Variants in ANKS1B observed in about 807,000 individuals in gnomAD.
ANKS1B encodes the protein ankyrin repeat and sterile alpha motif domain containing 1B, also known as ankyrin repeat and sterile alpha motif domain-containing protein 1B.
ANKS1B carries 36 observed loss-of-function variants against 148.3 expected under a neutral mutation model. The ratio of observed to expected loss-of-function variants is 0.24; its 90% CI spans 0.19 to 0.32. The LOEUF (loss-of-function observed/expected upper bound fraction) is 0.32. ANKS1B is among the 10% of genes least tolerant of loss of function. The pLI, the probability that ANKS1B is intolerant of heterozygous loss-of-function variation, is 1.00. For missense variants in ANKS1B, 1,157 were observed against 1,542.6 expected (o/e 0.75, Z 4.19); for synonymous variants, 542 against 560.8 (o/e 0.97, Z 0.47).
chr12:99,068,951 T>G (rs2045422891), intron 16 of ANKS1B, among the ~76,000 whole-genome samples: 1 of 152,216 alleles, frequency 6.6e-6, no homozygotes, highest in South Asian at 2.1e-4. Context: ...TTCTCTCCTC[T>G]TGTAGCATTT....
chr12:99,327,112 T>C (rs1351423708), intron 12 of ANKS1B, among the ~76,000 whole-genome samples: 1 of 126,826 alleles, frequency 7.9e-6, no homozygotes, highest in African/African-American at 3.0e-5. Flanking sequence ...TATATATTAA[T>C]ATAACTAATA....
chr12:99,341,495 A>T (rs574577999), intron 12 of ANKS1B, among the ~76,000 whole-genome samples: 1 of 152,282 alleles, frequency 6.6e-6, no homozygotes, highest in East Asian at 1.9e-4. Context: ...AAAGAACCAG[A>T]CATCTCTATC....
At chr12:99,499,611 T>C (rs1315634610) in intron 10 of ANKS1B, among the ~76,000 whole-genome samples, 1 of 152,082 alleles carries the variant, frequency 6.6e-6, no homozygotes, top group Non-Finnish European at 1.5e-5. Flanking sequence ...CTTAGAATGT[T>C]TGCTTAGAAT....
At chr12:99,564,391 A>C (rs2097367490) in intron 9 of ANKS1B, among the ~76,000 whole-genome samples, 1 of 151,998 alleles carries the variant, frequency 6.6e-6, no homozygotes, top group Admixed American at 6.6e-5. Context: ...CAGTGAAAAA[A>C]AAATTAAGTT....
chr12:99,229,471 A>T (rs1035572401), intron 14 of ANKS1B, among the ~76,000 whole-genome samples: 5 of 151,966 alleles, frequency 3.3e-5, no homozygotes, highest in Non-Finnish European at 5.9e-5. Context: ...ATTATAAAAT[A>T]TTTAATTTCC....
At chr12:99,256,530 G>A (rs1298037576) in intron 12 of ANKS1B, among the ~76,000 whole-genome samples, 1 of 151,790 alleles carries the variant, frequency 6.6e-6, no homozygotes, top group Non-Finnish European at 1.5e-5. Flanking sequence ...CCTTCTTAAA[G>A]TTATTCTTTA....
intron 10 of ANKS1B, among the ~76,000 whole-genome samples, chr12:99,491,818 A>C (rs1379364687): frequency 6.6e-6 from 1 of 152,236 alleles, no homozygotes; most frequent in Non-Finnish European, 1.5e-5. Context: ...CTTTTGGGTA[A>C]CTAATAAAAT....
At chr12:98,964,288 C>T (rs898539007) in intron 17 of ANKS1B, among the ~76,000 whole-genome samples, 1 of 152,116 alleles carries the variant, frequency 6.6e-6, no homozygotes, top group African/African-American at 2.4e-5. Context: ...ATTCAAAAGA[C>T]AGGCAATAAC....
chr12:99,179,023 A>G (rs1221335519), intron 14 of ANKS1B, among the ~76,000 whole-genome samples: 1 of 152,258 alleles, frequency 6.6e-6, no homozygotes, highest in Admixed American at 6.5e-5. Flanking sequence ...GCAGTAATAA[A>G]ATAAACCTTG....
chr12:98,845,670 G>A (rs1051984612), intron 17 of ANKS1B, among the ~76,000 whole-genome samples: 2 of 151,682 alleles, frequency 1.3e-5, no homozygotes, highest in African/African-American at 4.8e-5. Flanking sequence ...TGGAAAATTT[G>A]AGGGCAATCT....
Position 99,844,423 on chromosome 12 carries a change from A to G in ANKS1B, c.135-19034T>C, listed in dbSNP as rs150867121. Among the ~76,000 whole-genome samples the G allele has an allele frequency of 7.8e-3, 1,193 of 152,194 alleles. 15 individuals are homozygous for G. Among genetic ancestry groups the G allele is most frequent in the African/African-American group, 0.027 (1,127 of 41,532 alleles). ...TCTTGAGTTGATTTTTGTATAAAGT[A>G]TAAGGAAGGGGTCCAGTTTCAATTT... On this transcript the variant is annotated intron_variant, in intron 1 of 26. Coordinates refer to ENST00000683438, the MANE Select transcript of ANKS1B (RefSeq NM_001352186.2).
In ANKS1B at chr12:99,341,367, C is replaced by T. The variant is rs1262808894; in HGVS notation, c.1756+58264G>A. The stretch of plus-strand genomic sequence containing the variant: ...GAAACAAGGCATCCAGCGTTAAAGC[C>T]AACAGATGAAATATCCACGCACACT... On this transcript the variant is annotated intron_variant, in intron 12 of 26. Coordinates refer to ENST00000683438, the MANE Select transcript of ANKS1B (RefSeq NM_001352186.2). 6 of 152,180 alleles carry T rather than the reference C, an allele frequency of 3.9e-5. No homozygotes were observed. The East Asian group carries it at 1.2e-3, about 30-fold the overall frequency. The allele number at this position is 152,180 out of a possible 1,614,324, so 9.4% of individuals were successfully genotyped here.
chr12:99,587,269 G>C (rs2097652009), intron 9 of ANKS1B, among the ~76,000 whole-genome samples: 1 of 152,186 alleles, frequency 6.6e-6, no homozygotes, highest in Admixed American at 6.5e-5. Flanking sequence ...AAGAGTGGAA[G>C]TCAGTAATCA....
intron 4 of ANKS1B, among the ~76,000 whole-genome samples, chr12:99,797,548 T>TAA (rs974750912): frequency 6.6e-6 from 1 of 150,726 alleles, no homozygotes; most frequent in African/African-American, 2.5e-5. Context: ...ATTAATCATT[T>TAA]AAAAAAAACA....
chr12:99,304,301 T>C (rs939865003), intron 12 of ANKS1B, among the ~76,000 whole-genome samples: 18 of 152,204 alleles, frequency 1.2e-4, no homozygotes, highest in Non-Finnish European at 2.2e-4. Flanking sequence ...TTTAAAATTA[T>C]GACCATTCTT....
chr12:99,154,595 T>C, intron 14 of ANKS1B, 200 bp from the exon 15 acceptor site: 1 of 1,482,096 alleles, frequency 6.7e-7, no homozygotes, highest in Non-Finnish European at 9.0e-7. Context: ...CCAGGCAGGC[T>C]GTGGAGTATG....
At chr12:99,694,978 G>T (rs2053668917) in intron 8 of ANKS1B, among the ~76,000 whole-genome samples, 1 of 152,050 alleles carries the variant, frequency 6.6e-6, no homozygotes, top group South Asian at 2.1e-4. Context: ...TTTGTCCTTG[G>T]AATGCATACT....
intron 9 of ANKS1B, among the ~76,000 whole-genome samples, chr12:99,537,428 A>G (rs1217444736): frequency 1.3e-5 from 2 of 152,032 alleles, no homozygotes; most frequent in Non-Finnish European, 2.9e-5. Context: ...AGCACTTGTT[A>G]TTGCCTGTCT....
intron 17 of ANKS1B, among the ~76,000 whole-genome samples, chr12:98,912,740 G>A (rs1003398218): frequency 6.6e-6 from 1 of 152,160 alleles, no homozygotes; most frequent in Non-Finnish European, 1.5e-5. Context: ...AAGAACAAAA[G>A]GGATTCCATC....
Sources: gnomAD v4.1 joint callset for allele counts (sites outside exome capture counted in the v4.1 genomes callset) on GRCh38, gnomAD v4.1.1 for gene constraint, MANE v1.5 for transcripts, NCBI Gene and HGNC (gene_info 2026-07-23, HGNC 2026-07-21) for gene names.